MAPK4: variants seen among roughly 807,000 people sequenced by gnomAD.
MAPK4 encodes the protein mitogen-activated protein kinase 4.
MAPK4 carries 22 observed loss-of-function variants against 47.7 expected under a neutral mutation model. The observed-to-expected ratio is 0.46, with a 90% CI of 0.33 to 0.66. The LOEUF is 0.66. Among genes scored for constraint, MAPK4 ranks in the 30% least tolerant of loss-of-function variants. The pLI is 0.02. For missense variants in MAPK4, 736 were observed against 831.7 expected (o/e 0.88, Z 1.42); for synonymous variants, 390 against 365.7 (o/e 1.07, Z -0.76).
At chr18:50,703,632 C>T (rs1909904080) in intron 2 of MAPK4, among the ~76,000 whole-genome samples, 1 of 152,168 alleles carries the variant, frequency 6.6e-6, no homozygotes, top group African/African-American at 2.4e-5. Context: ...AGGGACCTTA[C>T]CCAGCATTCC....
chr18:50,588,404 C>T (rs2042406994), intron 1 of MAPK4, among the ~76,000 whole-genome samples: 1 of 152,198 alleles, frequency 6.6e-6, no homozygotes, highest in South Asian at 2.1e-4. Flanking sequence ...TAGAGACTGG[C>T]TTCACAGGGC....
chr18:50,592,841 A>C (rs1487713287), intron 1 of MAPK4, among the ~76,000 whole-genome samples: 2 of 152,222 alleles, frequency 1.3e-5, no homozygotes, highest in Non-Finnish European at 2.9e-5. Context: ...ACCCAAATAG[A>C]GGACAATTCA....
chr18:50,686,129 A>G (rs1908871097), intron 2 of MAPK4, among the ~76,000 whole-genome samples: 1 of 151,868 alleles, frequency 6.6e-6, no homozygotes, highest in Non-Finnish European at 1.5e-5. Flanking sequence ...GAGTCGTGTT[A>G]CTCTTTGGTT....
At position 50,663,913 on chromosome 18, in the gene MAPK4, G is replaced by A; in HGVS notation, c.-46G>A. 6.5e-7 allele frequency: 1 copy of A among 1,545,080 alleles called. No individual in the cohort carries two copies. Among genetic ancestry groups the A allele is most frequent in the Non-Finnish European group, 8.8e-7 (1 of 1,137,398 alleles). On this transcript the variant is annotated 5_prime_UTR_variant, in exon 2 of 6. Coordinates refer to ENST00000400384, the MANE Select transcript of MAPK4 (RefSeq NM_002747.4). ...CGCTAGCCGAGACTTGGCCTTTCCT[G>A]ACTGCCCCTGTGTTACCTGGGCAGC...
chr18:50,647,592 T>C (rs1000134264), intron 1 of MAPK4, among the ~76,000 whole-genome samples: 6 of 152,156 alleles, frequency 3.9e-5, no homozygotes, highest in African/African-American at 1.4e-4. Flanking sequence ...TACCAGAATT[T>C]TACCGTCGGC....
intron 1 of MAPK4, among the ~76,000 whole-genome samples, chr18:50,643,585 G>A (rs776537501): frequency 3.9e-5 from 6 of 152,272 alleles, no homozygotes; most frequent in South Asian, 2.1e-4. Flanking sequence ...TGTCCAGTGC[G>A]ACTCAGAACA....
chr18:50,725,222 A>G (rs1453044662), intron 4 of MAPK4, among the ~76,000 whole-genome samples: 2 of 152,182 alleles, frequency 1.3e-5, no homozygotes, highest in East Asian at 3.8e-4. Flanking sequence ...CTGGTTGTTC[A>G]GTATCTGTAA....
intron 1 of MAPK4, among the ~76,000 whole-genome samples, chr18:50,623,793 T>C (rs1183246641): frequency 2.6e-5 from 4 of 152,242 alleles, no homozygotes; most frequent in Non-Finnish European, 5.9e-5. Context: ...CTTACCGTTT[T>C]AACATACAAG....
At chr18:50,610,483 G>A (rs2042623374) in intron 1 of MAPK4, among the ~76,000 whole-genome samples, 1 of 152,212 alleles carries the variant, frequency 6.6e-6, no homozygotes, top group Non-Finnish European at 1.5e-5. Flanking sequence ...AGGGTGAAGA[G>A]CCATCACTGG....
In MAPK4 at chr18:50,616,948, T is replaced by C. The variant is rs567022827; in HGVS notation, c.-870-46141T>C. ...TTTGTATCCTTCAATCCAATCAAGT[T>C]GACACAGTATTAACCATCACAAGGC... On this transcript the variant is annotated intron_variant, in intron 1 of 5. Transcript: ENST00000400384. Among the ~76,000 whole-genome samples, 134 of 152,318 alleles carry C rather than the reference T, an allele frequency of 8.8e-4. 1 individual carries two copies. Among genetic ancestry groups the C allele is most frequent in the African/African-American group, 3.2e-3 (131 of 41,554 alleles).
chr18:50,592,301 G>A (rs559275462), intron 1 of MAPK4, among the ~76,000 whole-genome samples: 3 of 152,258 alleles, frequency 2.0e-5, no homozygotes, highest in East Asian at 1.9e-4. Flanking sequence ...GGTACTTGAG[G>A]GGCAAGGAGT....
chr18:50,710,912 A>G (rs530825296), intron 2 of MAPK4, among the ~76,000 whole-genome samples: 8 of 152,328 alleles, frequency 5.3e-5, no homozygotes, highest in African/African-American at 1.9e-4. Context: ...TTCTCCCCCA[A>G]CCTTCCAACT....
chr18:50,615,201 T>TG lies in MAPK4; in HGVS notation c.-870-47880dup, dbSNP rs113451737. On this transcript the variant is annotated intron_variant, in intron 1 of 5. Coordinates refer to ENST00000400384, the MANE Select transcript of MAPK4 (RefSeq NM_002747.4). ...CTCATGTGTTCTTTCATAATTGTGT[T>TG]GGGGGGGGAGATCCAGGGCTTCCTG... is the stretch of plus-strand genomic sequence containing the variant. 6.5e-3 allele frequency among the ~76,000 whole-genome samples: 989 copies of TG among 151,890 alleles called. 7 individuals are homozygous for TG. Among genetic ancestry groups the TG allele is most frequent in the African/African-American group, 0.022 (912 of 41,408 alleles).
intron 2 of MAPK4, among the ~76,000 whole-genome samples, chr18:50,667,737 TC>T (rs1907685301): frequency 6.6e-6 from 1 of 152,158 alleles, no homozygotes. Context: ...AGAACATTTT[TC>T]CTCTGCTCTC....
intron 1 of MAPK4, among the ~76,000 whole-genome samples, chr18:50,593,484 C>G (rs777381847): frequency 6.6e-6 from 1 of 152,178 alleles, no homozygotes; most frequent in Non-Finnish European, 1.5e-5. Context: ...CAGCAGATAA[C>G]CCGCAGTCTT....
chr18:50,704,626 T>G (rs1909955021), intron 2 of MAPK4: 2 of 398,570 alleles, frequency 5.0e-6, no homozygotes, highest in Non-Finnish European at 8.8e-6. Flanking sequence ...GAGCGTTCTC[T>G]GCAAGTCAAA....
In MAPK4 at chr18:50,639,906, G is replaced by A. The variant is rs542264910; in HGVS notation, c.-870-23183G>A. Among the ~76,000 whole-genome samples, 7 of 152,272 alleles carry A rather than the reference G, an allele frequency of 4.6e-5. No individual in the cohort carries two copies. The South Asian group carries it at 1.5e-3, about 32-fold the overall frequency. On this transcript the variant is annotated intron_variant, in intron 1 of 5. Transcript: ENST00000400384. ...TATGCTATTTATATACTCTTCGCTCGTTAATAATTGTCTCTATTAGCAACT... is the reference window on the plus strand; with the variant it reads ...TATGCTATTTATATACTCTTCGCTCATTAATAATTGTCTCTATTAGCAACT...
chr18:50,682,761 A>G (rs1318784621), intron 2 of MAPK4, among the ~76,000 whole-genome samples: 5 of 152,258 alleles, frequency 3.3e-5, no homozygotes, highest in Non-Finnish European at 7.3e-5. Context: ...ATGAAAGCAT[A>G]TGTTCATAGA....
intron 1 of MAPK4, among the ~76,000 whole-genome samples, chr18:50,644,522 C>T (rs2042969981): frequency 1.3e-5 from 2 of 152,170 alleles, no homozygotes; most frequent in Admixed American, 1.3e-4. Context: ...CTCCAAAGGG[C>T]TCCTTTCCCC....
Sources: allele counts gnomAD v4.1 joint callset (sites outside exome capture counted in the v4.1 genomes callset), GRCh38; gene constraint gnomAD v4.1.1; transcripts MANE v1.5; gene names NCBI Gene and HGNC (gene_info 2026-07-23, HGNC 2026-07-21).